Variants in MYH15 observed in about 807,000 individuals in gnomAD.
The protein encoded by MYH15 is myosin-15.
Under a neutral mutation model 240.5 loss-of-function variants are expected in MYH15, and 227 were observed. The ratio of observed to expected loss-of-function variants is 0.94; its 90% CI spans 0.85 to 1.05. The LOEUF (loss-of-function observed/expected upper bound fraction) is 1.05, where lower values mean the gene tolerates loss of function less well. Among genes scored for constraint, MYH15 ranks in the 50% least tolerant of loss-of-function variants. The pLI, the probability that MYH15 is intolerant of heterozygous loss-of-function variation, is 0.00. For synonymous variants in MYH15, 785 were observed against 796.7 expected (o/e 0.99, Z 0.25); for missense variants, 2,217 against 2,247.5 (o/e 0.99, Z 0.27).
intron 25 of MYH15, among the ~76,000 whole-genome samples, chr3:108,436,226 T>A (rs187613329): frequency 6.6e-5 from 10 of 152,360 alleles, no homozygotes; most frequent in Admixed American, 6.5e-4. Context: ...ACCTGTGGCC[T>A]ACACGACATA....
intron 35 of MYH15, among the ~76,000 whole-genome samples, chr3:108,397,476 A>C (rs980086448): frequency 6.6e-6 from 1 of 152,148 alleles, no homozygotes; most frequent in African/African-American, 2.4e-5. Flanking sequence ...TTGCTATATC[A>C]TTATACTTTT....
chr3:108,501,852 G>C lies in MYH15; in HGVS notation c.199C>G (p.Leu67Val), dbSNP rs1380179641. 1 of 1,613,748 alleles carries C rather than the reference G, an allele frequency of 6.2e-7. No individual in the cohort carries two copies. Among genetic ancestry groups the C allele is most frequent in the Non-Finnish European group, 8.5e-7 (1 of 1,179,706 alleles). ...VIVETADGESLSIKEDKIQQM... is the reference protein window; with the variant it reads ...VIVETADGESVSIKEDKIQQM... ...TGGATTTTGTCCTCCTTTATGCTCA[G>C]ACTCTGCAGAGAGAAGAAAAATATA... Residue 67 changes from leucine (L) to valine (V), a missense_variant, in exon 3 of 41, where the codon CTG becomes GTG. Leu to Val is a conservative substitution (Grantham distance 32). Coordinates refer to ENST00000693548, the MANE Select transcript of MYH15 (RefSeq NM_014981.3).
chr3:108,398,405 C>A (rs776616927), intron 35 of MYH15, among the ~76,000 whole-genome samples: 109 of 152,184 alleles, frequency 7.2e-4, no homozygotes, highest in Non-Finnish European at 1.1e-3. Context: ...TCCAGGAATG[C>A]GAGAAAATAA....
At chr3:108,385,451 C>T (rs535516982) in intron 38 of MYH15, among the ~76,000 whole-genome samples, 19 of 152,180 alleles carry the variant, frequency 1.2e-4, no homozygotes, top group East Asian at 3.8e-4. Flanking sequence ...AATCCAGCCT[C>T]GGGCTGAAGA....
chr3:108,478,116 T>C (rs946394758), intron 11 of MYH15, among the ~76,000 whole-genome samples: 46 of 152,102 alleles, frequency 3.0e-4, no homozygotes, highest in Non-Finnish European at 5.4e-4. Context: ...CTGCAAATTT[T>C]CCAGAGCAAT....
intron 32 of MYH15, among the ~76,000 whole-genome samples, chr3:108,406,381 A>G (rs938311757): frequency 2.0e-5 from 3 of 152,348 alleles, no homozygotes; most frequent in African/African-American, 7.2e-5. Flanking sequence ...TAAAATAAAA[A>G]TAAAAAGATG....
At position 108,459,412 on chromosome 3, in the gene MYH15, G is replaced by T; in HGVS notation, c.1970C>A (p.Thr657Lys). The T allele has an allele frequency of 6.2e-7, 1 of 1,605,074 alleles. No homozygotes were observed. ...LNKLMTNLKS[T>K]APHFVRCINP... Reference sequence around the variant, plus strand: ...TATGCATCTCACAAAATGAGGTGCTGTTGATTTCAGATTAGTCATCAATTT... The same window carrying T: ...TATGCATCTCACAAAATGAGGTGCTTTTGATTTCAGATTAGTCATCAATTT... The change falls in exon 18 of 41, where the codon ACA becomes AAA. Residue 657 changes from threonine to lysine, a missense_variant. Thr to Lys is a moderately conservative substitution (Grantham distance 78). Coordinates refer to ENST00000693548, the MANE Select transcript of MYH15 (RefSeq NM_014981.3).
chr3:108,527,550 C>T (rs890907100), intron 1 of MYH15, among the ~76,000 whole-genome samples: 1 of 152,142 alleles, frequency 6.6e-6, no homozygotes, highest in Non-Finnish European at 1.5e-5. Flanking sequence ...AAATCATCTC[C>T]TATCTTACCC....
intron 10 of MYH15, among the ~76,000 whole-genome samples, chr3:108,485,922 T>G (rs554574686): frequency 3.4e-4 from 51 of 152,194 alleles, no homozygotes; most frequent in Non-Finnish European, 6.0e-4. Flanking sequence ...AAAACTTGAG[T>G]CTAACACTAA....
At position 108,457,345 on chromosome 3, in the gene MYH15, C is replaced by T. The variant is rs555954232; in HGVS notation, c.2021-462G>A. Among the ~76,000 whole-genome samples, 12 of 152,312 alleles carry T rather than the reference C, an allele frequency of 7.9e-5. No homozygotes were observed. The East Asian group carries it at 2.3e-3, about 29-fold the overall frequency. ...AAGGGGAAGATAGACACAACCACAA[C>T]ATTCTGTTTACAGTTTTGCTTAGGA... On this transcript the variant is annotated intron_variant, in intron 18 of 40. Transcript: ENST00000693548.
In MYH15 at chr3:108,455,760, G is replaced by T; in HGVS notation, c.2238C>A (p.Thr746=). Residue 746 remains threonine, a synonymous_variant, in exon 20 of 41, where the codon ACC becomes ACA. Coordinates refer to ENST00000693548, the MANE Select transcript of MYH15 (RefSeq NM_014981.3). The part of the protein sequence containing the change: ...ELLGSLEIDH[T]QYRFGITKVF... The stretch of plus-strand genomic sequence containing the variant: ...CCTTAGTGATTCCAAATCGGTACTG[G>T]GTATGGTCTATCTCCAAGGAGCCAA... 2 of 1,613,726 alleles carry T rather than the reference G, an allele frequency of 1.2e-6. No individual in the cohort carries two copies. Among genetic ancestry groups the T allele is most frequent in the South Asian group, 1.1e-5 (1 of 91,062 alleles).
chr3:108,481,713 T>C (rs145342914), intron 11 of MYH15, among the ~76,000 whole-genome samples: 1 of 151,708 alleles, frequency 6.6e-6, no homozygotes, highest in Non-Finnish European at 1.5e-5. Flanking sequence ...GACGAGAAAA[T>C]GATAGATTTC....
At chr3:108,452,798 T>A (rs2082984755) in intron 21 of MYH15, among the ~76,000 whole-genome samples, 1 of 152,110 alleles carries the variant, frequency 6.6e-6, no homozygotes, top group Non-Finnish European at 1.5e-5. Context: ...TAATTTTTTT[T>A]AATGTTGTTA....
Position 108,421,163 on chromosome 3 carries a change from T to C in MYH15, c.3754A>G (p.Thr1252Ala), listed in dbSNP as rs892574778. 3.1e-6 allele frequency: 5 copies of C among 1,613,980 alleles called. No individual in the cohort carries two copies. In the African/African-American group the frequency reaches 6.7e-5, roughly 22 times the overall value. ...TLYEERLHEATAKLDKVTQLA... is the reference protein window; with the variant it reads ...TLYEERLHEAAAKLDKVTQLA... Reference sequence around the variant, plus strand: ...TGAGTCACCTTATCTAGCTTTGCAGTTGCTTCATGCAAGCGCTCTTCATAT... The same window carrying C: ...TGAGTCACCTTATCTAGCTTTGCAGCTGCTTCATGCAAGCGCTCTTCATAT... The change falls in exon 28 of 41, where the codon ACT becomes GCT. Residue 1252 changes from threonine (T) to alanine (A), a missense_variant. By Grantham distance (58) the Thr-to-Ala change is moderately conservative. Coordinates refer to ENST00000693548, the MANE Select transcript of MYH15 (RefSeq NM_014981.3).
chr3:108,384,104 G>T (rs918076796), intron 39 of MYH15, among the ~76,000 whole-genome samples: 1 of 152,096 alleles, frequency 6.6e-6, no homozygotes, highest in South Asian at 2.1e-4. Context: ...GGGTCAACAG[G>T]TAATTATTAG....
At chr3:108,541,238 G>A in the MYH15 span, among the ~76,000 whole-genome samples, 2 of 151,584 alleles carry the variant, frequency 1.3e-5, no homozygotes, top group Non-Finnish European at 2.9e-5. Context: ...CAAGTGTACA[G>A]GAAAATTCTC....
At chr3:108,464,509 A>G in intron 15 of MYH15, 129 bp downstream of exon 15, 1 of 948,160 alleles carries the variant, frequency 1.1e-6, no homozygotes, top group East Asian at 2.6e-5. Flanking sequence ...TTTTTGTGGA[A>G]CTGAGATGTA....
Position 108,405,420 on chromosome 3 carries a change from G to A in MYH15, c.4654C>T (p.His1552Tyr). 6.5e-7 allele frequency: 1 copy of A among 1,527,890 alleles called. No homozygotes were observed. The highest frequency in any genetic ancestry group is 8.9e-7 in the Non-Finnish European group (1 of 1,122,316). 94.6% of individuals were successfully genotyped at this position (1,527,890 alleles called of 1,614,324 possible). ...GCTTCCAAGAGTTCAAGCTGGAAAT[G>A]AAGAATCTTGCTTTCATTACGTTCC... is the stretch of plus-strand genomic sequence containing the variant. ...ALERNESKILHFQLELLEAKA... is the reference protein window; with the variant it reads ...ALERNESKILYFQLELLEAKA... Residue 1552 changes from histidine (H) to tyrosine (Y), a missense_variant, in exon 33 of 41, where the codon CAT (histidine) becomes TAT (tyrosine). Physicochemically the swap from His to Tyr is moderately conservative, Grantham distance 83 (BLOSUM62 2). Transcript: ENST00000693548.
Position 108,430,879 on chromosome 3 carries a change from C to A in MYH15, c.3265G>T (p.Glu1089Ter), listed in dbSNP as rs1411488605. Residue 1089 changes from glutamate (E) to a stop codon, truncating the protein, a stop_gained, in exon 26 of 41, where the codon GAG (glutamate) becomes TAG (stop). Coordinates refer to ENST00000693548, the MANE Select transcript of MYH15 (RefSeq NM_014981.3). LOFTEE classifies it high-confidence loss of function. ...TGAAGCTGAGCTACCAGGCCTTTCTCATTCTCCACTTTTGAATTCATCTGA... is the reference window on the plus strand; with the variant it reads ...TGAAGCTGAGCTACCAGGCCTTTCTAATTCTCCACTTTTGAATTCATCTGA... The part of the protein sequence containing the change: ...LSQMNSKVEN[E>*]KGLVAQLQKT... 6.2e-7 allele frequency: 1 copy of A among 1,612,668 alleles called. No individual in the cohort carries two copies. Among genetic ancestry groups the A allele is most frequent in the East Asian group, 2.2e-5 (1 of 44,848 alleles).
Sources: allele counts gnomAD v4.1 joint callset (sites outside exome capture counted in the v4.1 genomes callset), GRCh38; gene constraint gnomAD v4.1.1; transcripts MANE v1.5; gene names NCBI Gene and HGNC (gene_info 2026-07-23, HGNC 2026-07-21).